The following GREB1L variants were observed in gnomAD, a reference collection of about 807,000 sequenced individuals.
GREB1L encodes the protein GREB1-like protein.
Under a neutral mutation model 200.8 loss-of-function variants are expected in GREB1L, and 17 were observed. That is an observed-to-expected ratio of 0.08 (90% CI 0.06 to 0.13). The LOEUF (loss-of-function observed/expected upper bound fraction) is 0.13. Among genes scored for constraint, GREB1L ranks in the 10% least tolerant of loss-of-function variants. The pLI, the probability that GREB1L is intolerant of heterozygous loss-of-function variation, is 1.00. For synonymous variants in GREB1L, 789 were observed against 893.0 expected (o/e 0.88, Z 2.08); for missense variants, 1,657 against 2,367.7 (o/e 0.70, Z 6.23).
At chr18:21,378,469 C>T (rs1220493091) in intron 2 of GREB1L, among the ~76,000 whole-genome samples, 1 of 152,036 alleles carries the variant, frequency 6.6e-6, no homozygotes, top group Non-Finnish European at 1.5e-5. Context: ...CTCACTGCGA[C>T]CTCAGGAGAT....
At chr18:21,306,447 G>T (rs1274455202) in intron 1 of GREB1L, among the ~76,000 whole-genome samples, 1 of 152,152 alleles carries the variant, frequency 6.6e-6, no homozygotes, top group Non-Finnish European at 1.5e-5. Context: ...CTCTTGTAAT[G>T]CCTGTGTATA....
chr18:21,416,312 AT>A (rs2144783895), intron 7 of GREB1L, among the ~76,000 whole-genome samples: 2 of 152,316 alleles, frequency 1.3e-5, no homozygotes, highest in South Asian at 4.1e-4. Context: ...AAGCAGCCTA[AT>A]ATACTAGTAA....
At chr18:21,463,292 CCCG>C (rs1453368830) in intron 15 of GREB1L, among the ~76,000 whole-genome samples, 1 of 151,410 alleles carries the variant, frequency 6.6e-6, no homozygotes, top group Non-Finnish European at 1.5e-5. Flanking sequence ...ACCACAAGCG[CCCG>C]CCACCGCGCC....
At chr18:21,374,609 T>G (rs1436321067) in intron 2 of GREB1L, among the ~76,000 whole-genome samples, 1 of 152,240 alleles carries the variant, frequency 6.6e-6, no homozygotes, top group African/African-American at 2.4e-5. Context: ...GCTGTTAAAA[T>G]CACACAACCC....
chr18:21,391,515 G>A (rs1186599620), intron 4 of GREB1L, among the ~76,000 whole-genome samples: 1 of 152,194 alleles, frequency 6.6e-6, no homozygotes, highest in African/African-American at 2.4e-5. Flanking sequence ...GTGTTAATGA[G>A]GTCAAAGGAG....
intron 1 of GREB1L, among the ~76,000 whole-genome samples, chr18:21,245,237 A>G (rs2037576748): frequency 6.6e-6 from 1 of 152,254 alleles, no homozygotes; most frequent in Non-Finnish European, 1.5e-5. Context: ...TAGAGATCTC[A>G]TACTGAAAGC....
intron 1 of GREB1L, among the ~76,000 whole-genome samples, chr18:21,307,583 A>G (rs2038720741): frequency 6.6e-6 from 1 of 152,142 alleles, no homozygotes; most frequent in Non-Finnish European, 1.5e-5. Flanking sequence ...TGGTTCAGGG[A>G]TGGTGATTAC....
chr18:21,257,886 C>T (rs569332868), intron 1 of GREB1L, among the ~76,000 whole-genome samples: 2 of 152,320 alleles, frequency 1.3e-5, no homozygotes, highest in South Asian at 4.1e-4. Flanking sequence ...ATCCTCACAA[C>T]AGCCCTGTAA....
chr18:21,386,888 A>G (rs2040566648), intron 4 of GREB1L, among the ~76,000 whole-genome samples: 1 of 152,196 alleles, frequency 6.6e-6, no homozygotes, highest in African/African-American at 2.4e-5. Context: ...AATTTTCCTT[A>G]TGAAAATGGC....
intron 1 of GREB1L, among the ~76,000 whole-genome samples, chr18:21,247,529 A>G (rs984773785): frequency 1.1e-4 from 17 of 152,060 alleles, no homozygotes; most frequent in African/African-American, 3.4e-4. Flanking sequence ...GTGTTTGCCT[A>G]TATTACCAAG....
At chr18:21,282,229 G>A (rs1027236168) in intron 1 of GREB1L, among the ~76,000 whole-genome samples, 1 of 152,086 alleles carries the variant, frequency 6.6e-6, no homozygotes, top group Admixed American at 6.6e-5. Context: ...AGCTGTGATG[G>A]AGCCACTGCA....
intron 7 of GREB1L, among the ~76,000 whole-genome samples, chr18:21,412,051 C>CA (rs962603456): frequency 0.054 from 1,615 of 30,154 alleles, 138 homozygotes; most frequent in East Asian, 0.098. Flanking sequence ...GACTCCGTCT[C>CA]AAAAAAAAAA....
At chr18:21,485,865 A>G in intron 18 of GREB1L, 112 bp downstream of exon 18, 1 of 1,029,732 alleles carries the variant, frequency 9.7e-7, no homozygotes, top group East Asian at 2.8e-5. Context: ...GCCCTTGCAG[A>G]TGACGTGCAA....
At chr18:21,271,448 A>T (rs1484586066) in intron 1 of GREB1L, among the ~76,000 whole-genome samples, 2 of 151,832 alleles carry the variant, frequency 1.3e-5, no homozygotes, top group Non-Finnish European at 2.9e-5. Flanking sequence ...GGAATTTGAT[A>T]CCACCCTAGG....
intron 21 of GREB1L, among the ~76,000 whole-genome samples, chr18:21,497,813 C>CA (rs1023387757): frequency 9.1e-5 from 11 of 121,098 alleles, no homozygotes; most frequent in Non-Finnish European, 2.0e-4. Flanking sequence ...CCCTCACCAC[C>CA]CCCCCCCCTT....
chr18:21,374,738 A>G (rs963529005), intron 2 of GREB1L, among the ~76,000 whole-genome samples: 7 of 152,006 alleles, frequency 4.6e-5, no homozygotes, highest in Admixed American at 1.3e-4. Context: ...TTAAAAATTA[A>G]TGTTTATTTG....
At chr18:21,392,461 A>G (rs2040865150) in intron 4 of GREB1L, among the ~76,000 whole-genome samples, 1 of 152,192 alleles carries the variant, frequency 6.6e-6, no homozygotes, top group Non-Finnish European at 1.5e-5. Context: ...AATATAAATG[A>G]TATTTTGAAC....
intron 1 of GREB1L, among the ~76,000 whole-genome samples, chr18:21,277,570 G>C (rs1361033797): frequency 6.6e-6 from 1 of 152,052 alleles, no homozygotes; most frequent in African/African-American, 2.4e-5. Flanking sequence ...GCAATCCCAT[G>C]ACCTTTGTAC....
intron 1 of GREB1L, among the ~76,000 whole-genome samples, chr18:21,320,595 C>T (rs1422529426): frequency 6.6e-6 from 1 of 151,794 alleles, no homozygotes; most frequent in East Asian, 1.9e-4. Flanking sequence ...AACCCCGTCT[C>T]TAGTAAAAAT....
Sources: gnomAD v4.1 joint callset for allele counts (sites outside exome capture counted in the v4.1 genomes callset) on GRCh38, gnomAD v4.1.1 for gene constraint, MANE v1.5 for transcripts, NCBI Gene and HGNC (gene_info 2026-07-23, HGNC 2026-07-21) for gene names.